SYNE1: variants seen among roughly 807,000 people sequenced by gnomAD.
SYNE1 encodes the protein spectrin repeat containing nuclear envelope protein 1.
A neutral mutation model predicts 1,111.0 loss-of-function variants in SYNE1; 616 were observed. The ratio of observed to expected loss-of-function variants is 0.55; its 90% CI spans 0.52 to 0.59. The LOEUF (loss-of-function observed/expected upper bound fraction) is 0.59, where lower values mean the gene tolerates loss of function less well. Among genes scored for constraint, SYNE1 ranks in the 20% least tolerant of loss-of-function variants. SYNE1 has a pLI of 0.00. For missense variants in SYNE1, 10,006 were observed against 10,417.0 expected, an observed-to-expected ratio of 0.96 and a Z score of 1.72; for synonymous variants, 3,855 against 3,825.8, an observed-to-expected ratio of 1.01 and a Z score of -0.28.
intron 139 of SYNE1, among the ~76,000 whole-genome samples, chr6:152,140,527 T>A (rs2152803808): frequency 6.6e-6 from 1 of 152,164 alleles, no homozygotes; most frequent in African/African-American, 2.4e-5. Context: ...TGAGAAACAG[T>A]GCATTAAAAT....
intron 55 of SYNE1, among the ~76,000 whole-genome samples, chr6:152,382,983 T>C (rs1473933533): frequency 2.0e-5 from 3 of 152,218 alleles, no homozygotes; most frequent in Non-Finnish European, 2.9e-5. Context: ...CACACCCATA[T>C]ACATTTTGCT....
intron 82 of SYNE1, among the ~76,000 whole-genome samples, chr6:152,322,733 G>A (rs778424394): frequency 6.6e-5 from 10 of 152,052 alleles, no homozygotes; most frequent in Non-Finnish European, 1.3e-4. Flanking sequence ...AAAGTGACAC[G>A]TTTATTCCTT....
At chr6:152,398,543 A>G in intron 49 of SYNE1, 76 bp downstream of exon 49, 1 of 1,208,358 alleles carries the variant, frequency 8.3e-7, no homozygotes, top group South Asian at 1.2e-5. Context: ...GATTTGGGAA[A>G]TGAGATAACT....
In SYNE1 at chr6:152,511,030, G is replaced by C. The variant is rs760733542; in HGVS notation, c.383C>G (p.Thr128Ser). 3 of 1,613,678 alleles carry C rather than the reference G, an allele frequency of 1.9e-6. No individual in the cohort carries two copies. Among genetic ancestry groups the C allele is most frequent in the Admixed American group, 1.7e-5 (1 of 59,984 alleles). Residue 128 changes from threonine (T) to serine (S), a missense_variant, in exon 7 of 146, where the codon ACC becomes AGC. This residue lies in a region of SYNE1 where 1,971 missense variants were observed against 2,084.1 expected (regional missense o/e 0.95). Coordinates refer to ENST00000367255, the MANE Select transcript of SYNE1 (RefSeq NM_182961.4). ...CAATACCTGGAAATATAGAATAATGGTCCACATCAATCCAAGAACTATTGA... is the reference window on the plus strand; with the variant it reads ...CAATACCTGGAAATATAGAATAATGCTCCACATCAATCCAAGAACTATTGA... ...RPSIVLGLMWTIILYFQIEEL... is the reference protein window; with the variant it reads ...RPSIVLGLMWSIILYFQIEEL...
In SYNE1 at chr6:152,214,905, C is replaced by A; in HGVS notation, c.22346+1G>T. The A allele has an allele frequency of 6.2e-7, 1 of 1,614,098 alleles. No individual in the cohort carries two copies. Among genetic ancestry groups the A allele is most frequent in the Non-Finnish European group, 8.5e-7 (1 of 1,179,982 alleles). Reference sequence around the variant, plus strand: ...ACCAAGACATCTCTTGTTTACTCTACCTGAATCTTTCTGTAGTCTGAGAGG... The same window carrying A: ...ACCAAGACATCTCTTGTTTACTCTAACTGAATCTTTCTGTAGTCTGAGAGG... On this transcript the variant is annotated splice_donor_variant, in intron 122 of 145. Coordinates refer to ENST00000367255, the MANE Select transcript of SYNE1 (RefSeq NM_182961.4). LOFTEE classifies it high-confidence loss of function.
At chr6:152,422,605 C>T (rs1160071977) in intron 39 of SYNE1, among the ~76,000 whole-genome samples, 1 of 152,080 alleles carries the variant, frequency 6.6e-6, no homozygotes, top group Non-Finnish European at 1.5e-5. Context: ...TGGGCTCAAG[C>T]AATCCTCCTG....
intron 95 of SYNE1, among the ~76,000 whole-genome samples, chr6:152,292,479 A>G (rs1390480304): frequency 1.3e-5 from 2 of 152,146 alleles, no homozygotes; most frequent in African/African-American, 4.8e-5. Flanking sequence ...AGTGTAAAAA[A>G]CCTGAAACCA....
intron 3 of SYNE1, among the ~76,000 whole-genome samples, chr6:152,555,003 A>G (rs2099360104): frequency 6.6e-6 from 1 of 152,210 alleles, no homozygotes; most frequent in Non-Finnish European, 1.5e-5. Context: ...ACCAGAAGGT[A>G]ATGAGGTTTA....
At chr6:152,439,674 G>C (rs575060383) in intron 32 of SYNE1, among the ~76,000 whole-genome samples, 51 of 152,294 alleles carry the variant, frequency 3.3e-4, no homozygotes, top group African/African-American at 1.0e-3. Context: ...GTATGGGAGA[G>C]AGTGAAGCCT....
Position 152,396,958 on chromosome 6 carries a change from T to C in SYNE1, c.7373A>G (p.Asp2458Gly). ...CACTGCATCAAGTTTGCTCTGCCCATCACTGACTGAGTCCAAAATGTTCTG... is the reference window on the plus strand; with the variant it reads ...CACTGCATCAAGTTTGCTCTGCCCACCACTGACTGAGTCCAAAATGTTCTG... ...DLQNILDSVS[D>G]GQSKLDAVTQ... The change falls in exon 50 of 146, where the codon GAT becomes GGT. Residue 2458 changes from aspartate to glycine, a missense_variant. Asp to Gly is a moderately conservative substitution (Grantham distance 94). This residue lies in a region of SYNE1 where 4,955 missense variants were observed against 5,017.2 expected (regional missense o/e 0.99). Coordinates refer to ENST00000367255, the MANE Select transcript of SYNE1 (RefSeq NM_182961.4). The C allele has an allele frequency of 6.2e-7, 1 of 1,614,184 alleles. No homozygotes were observed.
At chr6:152,553,536 C>T (rs76795764) in intron 3 of SYNE1, among the ~76,000 whole-genome samples, 1 of 152,124 alleles carries the variant, frequency 6.6e-6, no homozygotes, top group Non-Finnish European at 1.5e-5. Context: ...TCCCGAGCTA[C>T]AAACTATAAA....
At chr6:152,348,594 A>T (rs1377012186) in intron 72 of SYNE1, among the ~76,000 whole-genome samples, 1 of 152,144 alleles carries the variant, frequency 6.6e-6, no homozygotes, top group Non-Finnish European at 1.5e-5. Context: ...CTGAGGCAGA[A>T]GAATCGCTTG....
chr6:152,573,495 C>A (rs575407682), intron 3 of SYNE1, among the ~76,000 whole-genome samples: 1 of 152,144 alleles, frequency 6.6e-6, no homozygotes, highest in African/African-American at 2.4e-5. Context: ...ACATTTTTAA[C>A]TGAAACTGAA....
intron 131 of SYNE1, among the ~76,000 whole-genome samples, chr6:152,162,013 C>T (rs942493166): frequency 2.6e-5 from 4 of 152,134 alleles, no homozygotes; most frequent in Non-Finnish European, 5.9e-5. Context: ...GTCCTGATCC[C>T]CAAACCCAGA....
intron 131 of SYNE1, among the ~76,000 whole-genome samples, chr6:152,160,831 C>T (rs1184744298): frequency 6.6e-6 from 1 of 152,076 alleles, no homozygotes; most frequent in Admixed American, 6.6e-5. Flanking sequence ...ATCTCCTTAT[C>T]CCTTGTGTTT....
At chr6:152,436,990 A>G (rs1047978386) in intron 32 of SYNE1, among the ~76,000 whole-genome samples, 3 of 150,440 alleles carry the variant, frequency 2.0e-5, no homozygotes, top group African/African-American at 4.9e-5. Context: ...AAATGGGAAG[A>G]CCTCCATCTC....
intron 78 of SYNE1, 119 bp downstream of exon 78, chr6:152,329,611 G>T: frequency 1.6e-6 from 2 of 1,272,226 alleles, no homozygotes; most frequent in Non-Finnish European, 2.3e-6. Flanking sequence ...AGATGCTTCT[G>T]TGTAGTATTT....
At chr6:152,185,276 C>T (rs1016129319) in intron 128 of SYNE1, 1 of 152,300 alleles carries the variant, frequency 6.6e-6, no homozygotes. Flanking sequence ...TTACTCACGG[C>T]CTCTATTCCG....
At chr6:152,143,475 G>A in intron 138 of SYNE1, 148 bp downstream of exon 138, 1 of 1,155,972 alleles carries the variant, frequency 8.7e-7, no homozygotes, top group Non-Finnish European at 1.3e-6. Flanking sequence ...TTAATAACAG[G>A]GCTTGGCTTT....
Sources: allele counts gnomAD v4.1 joint callset (sites outside exome capture counted in the v4.1 genomes callset), GRCh38; gene constraint gnomAD v4.1.1; regional missense constraint gnomAD v4.1.1; transcripts MANE v1.5; gene names NCBI Gene and HGNC (gene_info 2026-07-23, HGNC 2026-07-21).